Variants in FAM169A observed in about 807,000 individuals in gnomAD.
FAM169A encodes the protein soluble lamin-associated protein of 75 kDa.
In FAM169A, 24 loss-of-function variants were observed where a neutral mutation model predicts 75.7. The ratio of observed to expected loss-of-function variants is 0.32; its 90% confidence interval spans 0.23 to 0.45. The LOEUF (loss-of-function observed/expected upper bound fraction) is 0.45, where lower values mean the gene tolerates loss of function less well. Among genes scored for constraint, FAM169A ranks in the 20% least tolerant of loss-of-function variants. The pLI, the probability that FAM169A is intolerant of heterozygous loss-of-function variation, is 1.00. For synonymous variants in FAM169A, 271 were observed against 271.0 expected (o/e 1.00, Z 0.00); for missense variants, 673 against 784.0 (o/e 0.86, Z 1.69).
rs76303987 is a variant in FAM169A, at chr5:74,809,908, A to G, written c.670+3932T>C. Among the ~76,000 whole-genome samples the G allele has an allele frequency of 1.4e-3, 216 of 152,328 alleles. 2 individuals are homozygous for G. Among genetic ancestry groups the G allele is most frequent in the African/African-American group, 4.8e-3 (199 of 41,574 alleles). Reference sequence around the variant, plus strand: ...ACTAACGGGAATGCGAAATGACATAACTACTTAGCAAATAGTTTTGCAACT... The same window carrying G: ...ACTAACGGGAATGCGAAATGACATAGCTACTTAGCAAATAGTTTTGCAACT... On this transcript the variant is annotated intron_variant, in intron 6 of 12. Transcript: ENST00000687041.
chr5:74,857,876 G>A (rs1749807715), intron 1 of FAM169A, among the ~76,000 whole-genome samples: 1 of 151,910 alleles, frequency 6.6e-6, no homozygotes, highest in Non-Finnish European at 1.5e-5. Flanking sequence ...ACTTCCCTTG[G>A]GTCTATCCAA....
At chr5:74,835,280 G>C (rs1748513694) in intron 4 of FAM169A, among the ~76,000 whole-genome samples, 1 of 152,026 alleles carries the variant, frequency 6.6e-6, no homozygotes, top group Non-Finnish European at 1.5e-5. Context: ...CCAACACTCA[G>C]AACTTTCTGA....
At position 74,858,111 on chromosome 5, in the gene FAM169A, G is replaced by A. The variant is rs367821466; in HGVS notation, c.-4+8054C>T. ...GTCAAAAAAAAAAAGAACAAGGCCA[G>A]GCGCGGTGGCTCATGCCTATAATCC... On this transcript the variant is annotated intron_variant, in intron 1 of 12. Transcript: ENST00000687041. 1.3e-4 allele frequency among the ~76,000 whole-genome samples: 20 copies of A among 152,058 alleles called. No homozygotes were observed. The East Asian group carries it at 2.9e-3, about 22-fold the overall frequency.
At chr5:74,783,969 T>C (rs1296108689) in intron 11 of FAM169A, among the ~76,000 whole-genome samples, 1 of 152,148 alleles carries the variant, frequency 6.6e-6, no homozygotes, top group Non-Finnish European at 1.5e-5. Context: ...TTTTAATTTT[T>C]CTATAGTAAA....
intron 1 of FAM169A, among the ~76,000 whole-genome samples, chr5:74,844,798 C>T (rs1580157731): frequency 6.6e-6 from 1 of 152,136 alleles, no homozygotes; most frequent in Admixed American, 6.5e-5. Flanking sequence ...GCCTGGGTGA[C>T]AGAGTGAGAC....
At chr5:74,799,795 G>A (rs1746467586) in intron 10 of FAM169A, 1 of 1,096,908 alleles carries the variant, frequency 9.1e-7, no homozygotes, top group African/African-American at 1.5e-5. Flanking sequence ...CATGACTGCT[G>A]ACCAATGCTC....
rs1047150075 is a variant in FAM169A, at chr5:74,813,797, G to A, written c.670+43C>T. 3.6e-6 allele frequency: 5 copies of A among 1,374,750 alleles called. No individual in the cohort carries two copies. In the Admixed American group the frequency reaches 7.9e-5, roughly 22 times the overall value. 85.2% of individuals were successfully genotyped at this position (1,374,750 alleles called of 1,614,324 possible). ...TATTTTGAAGAAACAAGTCGGAAGT[G>A]ACACAAAGACAAGTTTATTATTTTT... On this transcript the variant is annotated intron_variant, in intron 6 of 12. Transcript: ENST00000687041.
intron 5 of FAM169A, among the ~76,000 whole-genome samples, chr5:74,818,801 C>CTATATATATA (rs59106706): frequency 2.4e-5 from 3 of 123,114 alleles, no homozygotes; most frequent in Admixed American, 8.1e-5. Flanking sequence ...CTCTCTCTCT[C>CTATATATATA]TCTATATATA....
intron 10 of FAM169A, among the ~76,000 whole-genome samples, chr5:74,797,429 G>A (rs974466943): frequency 3.3e-5 from 5 of 152,002 alleles, no homozygotes; most frequent in Admixed American, 3.3e-4. Context: ...CACCTGCCTC[G>A]GCCTCCCAAA....
At chr5:74,858,552 G>A (rs909199621) in intron 1 of FAM169A, among the ~76,000 whole-genome samples, 1 of 152,146 alleles carries the variant, frequency 6.6e-6, no homozygotes, top group African/African-American at 2.4e-5. Flanking sequence ...TGGACACAAT[G>A]AGGGGAACAA....
chr5:74,782,637 A>T (rs1289899791), intron 12 of FAM169A, among the ~76,000 whole-genome samples: 1 of 152,240 alleles, frequency 6.6e-6, no homozygotes, highest in East Asian at 1.9e-4. Context: ...AAATATAGGT[A>T]CTCAAATATT....
At chr5:74,849,564 C>CA (rs1749332993) in intron 1 of FAM169A, among the ~76,000 whole-genome samples, 1 of 152,140 alleles carries the variant, frequency 6.6e-6, no homozygotes, top group Non-Finnish European at 1.5e-5. Flanking sequence ...GTCTCTCCAA[C>CA]ACCGAGAATA....
At position 74,859,285 on chromosome 5, in the gene FAM169A, CTCTT is replaced by C. The variant is rs1327008756; in HGVS notation, c.-4+6876_-4+6879del. On this transcript the variant is annotated intron_variant, in intron 1 of 12. Coordinates refer to ENST00000687041, the MANE Select transcript of FAM169A (RefSeq NM_001376049.1). ...CAAACTAACAAAAAATGAAGGTTTT[CTCTT>C]TTTTTTTTTTTTTTTTTTGAGACAG... 3.4e-5 allele frequency among the ~76,000 whole-genome samples: 5 copies of C among 146,412 alleles called. No individual in the cohort carries two copies. The East Asian group carries it at 6.1e-4, about 18-fold the overall frequency.
chr5:74,843,921 T>C (rs1749013783), intron 1 of FAM169A, among the ~76,000 whole-genome samples: 1 of 152,210 alleles, frequency 6.6e-6, no homozygotes, highest in Non-Finnish European at 1.5e-5. Flanking sequence ...ACAACCCTAC[T>C]GCATCCTGAT....
intron 10 of FAM169A, among the ~76,000 whole-genome samples, chr5:74,796,597 G>T (rs1047425784): frequency 6.6e-6 from 1 of 151,920 alleles, no homozygotes; most frequent in African/African-American, 2.4e-5. Flanking sequence ...GTAAAGACAG[G>T]GTTTCACCAT....
chr5:74,810,081 T>C (rs1747096670), intron 6 of FAM169A, among the ~76,000 whole-genome samples: 1 of 152,102 alleles, frequency 6.6e-6, no homozygotes, highest in African/African-American at 2.4e-5. Context: ...CAAATGTCTA[T>C]CAACAGGCAA....
rs1180826161 is a variant in FAM169A, at chr5:74,796,267, A to AT, written c.1104-82dup. 4.8e-6 allele frequency: 6 copies of AT among 1,261,922 alleles called. No individual in the cohort carries two copies. In the East Asian group the frequency reaches 1.5e-4, roughly 31 times the overall value. The allele number at this position is 1,261,922 out of a possible 1,614,324, so 78.2% of individuals were successfully genotyped here. A position where few individuals can be genotyped will look rare whatever the true frequency, so the allele number is the denominator to read the frequency against. ...CTCAGAAGTCCTTTCTTAAAGTAAC[A>AT]TTTTAGAGAATCAACTATGTTGTCA... On this transcript the variant is annotated intron_variant, in intron 10 of 12. Transcript: ENST00000687041.
At chr5:74,794,789 AAAAAAAC>A (rs1746180289) in intron 11 of FAM169A, among the ~76,000 whole-genome samples, 2 of 151,562 alleles carry the variant, frequency 1.3e-5, no homozygotes, top group South Asian at 4.2e-4. Flanking sequence ...AAAAAAAAAA[AAAAAAAC>A]AAACACAAAA....
rs376392699 is a variant in FAM169A at position 74,801,606 on chromosome 5, A to G, written c.936T>C (p.Phe312=). ...ATTTCTTACCTTCGGAAGTGCTTGC[A>G]AAGGCATCTTTTAGAGAATCAATCT... ...QLTIDSLKDA[F]ASTSEGHDKT... is the part of the protein sequence containing the mutation. Residue 312 remains phenylalanine, a synonymous_variant, in exon 9 of 13, where the codon TTT becomes TTC. Transcript: ENST00000687041. 2 of 1,608,882 alleles carry G rather than the reference A, an allele frequency of 1.2e-6. No homozygotes were observed. The highest frequency in any genetic ancestry group is 2.7e-5 in the African/African-American group (2 of 74,574).
Sources: gnomAD v4.1 joint callset for allele counts (sites outside exome capture counted in the v4.1 genomes callset) on GRCh38, gnomAD v4.1.1 for gene constraint, MANE v1.5 for transcripts, NCBI Gene and HGNC (gene_info 2026-07-23, HGNC 2026-07-21) for gene names.